The following ATG2A variants were observed in gnomAD, a reference collection of about 807,000 sequenced individuals.
ATG2A encodes the protein autophagy related 2A, also known as autophagy-related protein 2 homolog A.
A neutral mutation model predicts 214.2 loss-of-function variants in ATG2A; 103 were observed. That is an observed-to-expected ratio of 0.48 (90% confidence interval 0.41 to 0.57). The LOEUF is 0.57. Among genes scored for constraint, ATG2A ranks in the 20% least tolerant of loss-of-function variants. The pLI is 0.00. For synonymous variants in ATG2A, 1,160 were observed against 1,142.1 expected, an observed-to-expected ratio of 1.02 and a Z score of -0.32; for missense variants, 2,312 against 2,613.2, an observed-to-expected ratio of 0.88 and a Z score of 2.51.
Position 64,902,563 on chromosome 11 carries a change from G to A in ATG2A, c.3730C>T (p.His1244Tyr), listed in dbSNP as rs1326640944. 3 of 1,571,270 alleles carry A rather than the reference G, an allele frequency of 1.9e-6. No homozygotes were observed. The highest frequency in any genetic ancestry group is 1.2e-5 in the South Asian group (1 of 85,734). Residue 1244 changes from histidine (H) to tyrosine (Y), a missense_variant, in exon 27 of 41, where the codon CAC (histidine) becomes TAC (tyrosine). His to Tyr is a moderately conservative substitution (Grantham distance 83). Transcript: ENST00000377264. ...GGGCTGGGGGGCCGGGGTGGGGGGT[G>A]CAGATCGCCTGTGCTCATTACGTAC... ...LQYVMSTGDL[H>Y]PPPRPPSPTE...
chr11:64,899,628 T>G (rs1944280369), intron 31 of ATG2A, among the ~76,000 whole-genome samples: 1 of 152,138 alleles, frequency 6.6e-6, no homozygotes, highest in Non-Finnish European at 1.5e-5. Context: ...TACCACTCTC[T>G]GTATCTCACA....
rs1185991932 is a variant in ATG2A at position 64,900,713 on chromosome 11, G to C, written c.4329-84C>G. ...CAGCGGGCCTTTTAGCCTGGGACAA[G>C]AGACCCCCGCTAGCCCCAGTCCTGG... On this transcript the variant is annotated intron_variant, in intron 30 of 40. Transcript: ENST00000377264. 7.5e-6 allele frequency: 11 copies of C among 1,472,570 alleles called. No individual in the cohort carries two copies. In the South Asian group the frequency reaches 1.4e-4, roughly 18 times the overall value. The allele number at this position is 1,472,570 out of a possible 1,614,324, so 91.2% of individuals were successfully genotyped here.
chr11:64,907,576 A>C lies in ATG2A; in HGVS notation c.2596T>G (p.Ser866Ala), dbSNP rs1488659147. The C allele has an allele frequency of 6.9e-7, 1 of 1,450,024 alleles. No homozygotes were observed. Among genetic ancestry groups the C allele is most frequent in the African/African-American group, 1.6e-5 (1 of 60,644 alleles). 89.8% of individuals were successfully genotyped at this position (1,450,024 alleles called of 1,614,324 possible). A position where few individuals can be genotyped will look rare whatever the true frequency, so the allele number is the denominator to read the frequency against. ...AAQPSGFPGPSGFWHDSFKMC... is the reference protein window; with the variant it reads ...AAQPSGFPGPAGFWHDSFKMC... ...TTAAAGCTGTCGTGCCAGAAGCCTG[A>C]GGGGCCGGGGAAGCCCGAGGGCTGG... The change falls in exon 18 of 41, where the codon TCA (serine) becomes GCA (alanine). Residue 866 changes from serine to alanine, a missense_variant. By Grantham distance (99) the Ser-to-Ala change is moderately conservative. Transcript: ENST00000377264.
Position 64,897,666 on chromosome 11 carries a change from C to T in ATG2A, c.5067+5G>A, listed in dbSNP as rs200777640. 3 of 1,614,134 alleles carry T rather than the reference C, an allele frequency of 1.9e-6. No homozygotes were observed. Among genetic ancestry groups the T allele is most frequent in the Non-Finnish European group, 2.5e-6 (3 of 1,180,048 alleles). On this transcript the variant is annotated splice_donor_5th_base_variant and intron_variant, in intron 36 of 40. Coordinates refer to ENST00000377264, the MANE Select transcript of ATG2A (RefSeq NM_015104.3). ...ATGGCCACCCCATCCGACCGCCCCACTTACCACCTGGTCCATCGTGACGTG... is the reference window on the plus strand; with the variant it reads ...ATGGCCACCCCATCCGACCGCCCCATTTACCACCTGGTCCATCGTGACGTG...
chr11:64,900,696 CT>C, intron 30 of ATG2A, 67 bp from the exon 31 acceptor site: 1 of 1,496,188 alleles, frequency 6.7e-7, no homozygotes, highest in Non-Finnish European at 8.9e-7. Flanking sequence ...CTCAGCGGGC[CT>C]TTTAGCCTGG....
At chr11:64,901,151 A>G in intron 29 of ATG2A, 59 bp from the exon 30 acceptor site, 5 of 1,495,486 alleles carry the variant, frequency 3.3e-6, no homozygotes, top group Non-Finnish European at 4.5e-6. Context: ...AGCTGCCCCC[A>G]GCCCCAGCAA....
At chr11:64,911,814 G>A in intron 9 of ATG2A, 28 bp downstream of exon 9, 1 of 1,611,580 alleles carries the variant, frequency 6.2e-7, no homozygotes, top group Non-Finnish European at 8.5e-7. Context: ...TCCTGTCCCT[G>A]GAGTACCCCC....
At chr11:64,905,503 C>CT in intron 24 of ATG2A, 60 bp downstream of exon 24, 1 of 1,496,920 alleles carries the variant, frequency 6.7e-7, no homozygotes, top group Non-Finnish European at 9.2e-7. Context: ...GGACACACAG[C>CT]TGGCAGGCAG....
intron 19 of ATG2A, 79 bp from the exon 20 acceptor site, chr11:64,906,894 G>A: frequency 1.3e-6 from 2 of 1,511,414 alleles, no homozygotes; most frequent in Non-Finnish European, 8.9e-7. Flanking sequence ...GCGGCTCCTG[G>A]AGCCCTGGCC....
rs913897770 is a variant in ATG2A, at chr11:64,902,774, T to C, written c.3613-94A>G. 9 of 1,184,444 alleles carry C rather than the reference T, an allele frequency of 7.6e-6. No homozygotes were observed. In the African/African-American group the frequency reaches 9.0e-5, roughly 12 times the overall value. The allele number at this position is 1,184,444 out of a possible 1,614,324, so 73.4% of individuals were successfully genotyped here. On this transcript the variant is annotated intron_variant, in intron 26 of 40. Transcript: ENST00000377264. The stretch of plus-strand genomic sequence containing the variant: ...CGCTGGGAGGGCACCGCAGTTCTGA[T>C]CCTGCCACAGGCAGAACAGGGATGG...
At position 64,911,039 on chromosome 11, in the gene ATG2A, G is replaced by C; in HGVS notation, c.1465C>G (p.Arg489Gly). 1 of 1,613,956 alleles carries C rather than the reference G, an allele frequency of 6.2e-7. No individual in the cohort carries two copies. Among genetic ancestry groups the C allele is most frequent in the Non-Finnish European group, 8.5e-7 (1 of 1,180,030 alleles). The change falls in exon 10 of 41, where the codon CGG (arginine) becomes GGG (glycine). Residue 489 changes from arginine to glycine, a missense_variant and splice_region_variant. Transcript: ENST00000377264. ...CAGGCCCTGGCCTCGGGCTTATACC[G>C]AACATGGCTACAGGGACAGGCCCTC... ...FQRACPCSHV[R>G]LTGTAVQLSW...
In ATG2A at chr11:64,912,251, T is replaced by A. The variant is rs1289448621; in HGVS notation, c.923-2A>T. 5.6e-6 allele frequency: 9 copies of A among 1,612,498 alleles called. 1 individual carries two copies. The Admixed American group carries it at 1.5e-4, about 27-fold the overall frequency. On this transcript the variant is annotated splice_acceptor_variant, in intron 7 of 40. Coordinates refer to ENST00000377264, the MANE Select transcript of ATG2A (RefSeq NM_015104.3). LOFTEE classifies it high-confidence loss of function. ...GCTTGTCAGCCAGGCCCTCGTGGTCTGCAGGGGAGGAGACTTCAGTCTGGG... is the reference window on the plus strand; with the variant it reads ...GCTTGTCAGCCAGGCCCTCGTGGTCAGCAGGGGAGGAGACTTCAGTCTGGG...
At chr11:64,912,507 G>A in intron 6 of ATG2A, 84 bp from the exon 7 acceptor site, 1 of 1,210,346 alleles carries the variant, frequency 8.3e-7, no homozygotes, top group Non-Finnish European at 1.1e-6. Flanking sequence ...CTCGCCCTGG[G>A]AAAGCAGGAT....
Position 64,894,998 on chromosome 11 carries a change from CACTT to C in ATG2A, c.5788_5791del (p.Lys1930GlyfsTer46). The C allele has an allele frequency of 6.2e-7, 1 of 1,612,520 alleles. No homozygotes were observed. The highest frequency in any genetic ancestry group is 8.5e-7 in the Non-Finnish European group (1 of 1,179,090). On this transcript the variant is annotated frameshift_variant, in exon 41 of 41. Coordinates refer to ENST00000377264, the MANE Select transcript of ATG2A (RefSeq NM_015104.3). LOFTEE classifies it high-confidence loss of function. ...TCAGTCTTGGGCACTGTCCGAGCGC[CACTT>C]GAGGGCGTGGTCCTTGTGGGCGTCG...
At position 64,895,169 on chromosome 11, in the gene ATG2A, G is replaced by A. The variant is rs369775317; in HGVS notation, c.5621C>T (p.Ser1874Leu). 21 of 1,613,116 alleles carry A rather than the reference G, an allele frequency of 1.3e-5. No individual in the cohort carries two copies. Among genetic ancestry groups the A allele is most frequent in the East Asian group, 6.7e-5 (3 of 44,854 alleles). Residue 1874 changes from serine to leucine, a missense_variant, in exon 41 of 41, where the codon TCG becomes TTG. Physicochemically the swap from Ser to Leu is moderately radical, Grantham distance 145 (BLOSUM62 -2). Coordinates refer to ENST00000377264, the MANE Select transcript of ATG2A (RefSeq NM_015104.3). The surrounding 1 kb of genome is among the most constrained non-coding windows in gnomAD (Gnocchi z 5.0). ...CAGCCCCTTCTGCTCATGGCCCCGC[G>A]ATGCCACGTCACAGATGGTCTGAGC... Reference protein sequence around the residue: ...DTAQTICDVASRGHEQKGLTG... With the variant: ...DTAQTICDVALRGHEQKGLTG...
intron 24 of ATG2A, among the ~76,000 whole-genome samples, chr11:64,904,531 G>A (rs1260071807): frequency 6.6e-6 from 1 of 151,188 alleles, no homozygotes; most frequent in Non-Finnish European, 1.5e-5. Flanking sequence ...CTGACAGAGC[G>A]AGACTCTGTC....
In ATG2A at chr11:64,913,076, C is replaced by A; in HGVS notation, c.787G>T (p.Val263Leu). The A allele has an allele frequency of 1.9e-6, 3 of 1,572,036 alleles. No homozygotes were observed. The highest frequency in any genetic ancestry group is 1.2e-5 in the South Asian group (1 of 85,476). ...AAGGCCTCATTTTGCTTCAACTTCA[C>A]CATCAGCTCCATGTACCCTGAGCAG... ...GSCSGYMELM[V>L]KLKQNEAFPG... Residue 263 changes from valine to leucine, a missense_variant, in exon 6 of 41, where the codon GTG becomes TTG. Coordinates refer to ENST00000377264, the MANE Select transcript of ATG2A (RefSeq NM_015104.3). The surrounding 1 kb of genome is among the most constrained non-coding windows in gnomAD (Gnocchi z 4.3).
chr11:64,898,936 C>T lies in ATG2A; in HGVS notation c.4465-94G>A. The T allele has an allele frequency of 1.6e-6, 2 of 1,225,284 alleles. No homozygotes were observed. Among genetic ancestry groups the T allele is most frequent in the Middle Eastern group, 2.7e-4 (1 of 3,652 alleles). The allele number at this position is 1,225,284 out of a possible 1,614,324, so 75.9% of individuals were successfully genotyped here. ...CCCCTTCTCTATTCTTTTTTTGAGA[C>T]AGAGTCTCACTCTGTCGCCCAGGTT... On this transcript the variant is annotated intron_variant, in intron 31 of 40. Coordinates refer to ENST00000377264, the MANE Select transcript of ATG2A (RefSeq NM_015104.3). This position sits in a 1 kb window ranked among gnomAD's most constrained non-coding sequence, Gnocchi z 4.5.
rs1565749799 is a variant in ATG2A, at chr11:64,903,544, CG to C, written c.3535+45del. 1 of 1,519,050 alleles carries C rather than the reference CG, an allele frequency of 6.6e-7. No homozygotes were observed. Among genetic ancestry groups the C allele is most frequent in the South Asian group, 1.3e-5 (1 of 79,984 alleles). 94.1% of individuals were successfully genotyped at this position (1,519,050 alleles called of 1,614,324 possible). On this transcript the variant is annotated intron_variant, in intron 25 of 40. Transcript: ENST00000377264. The surrounding 1 kb of genome is among the most constrained non-coding windows in gnomAD (Gnocchi z 4.2). Reference sequence around the variant, plus strand: ...CTGGCTGCTCTGGGTGTGGCCGGGGCGGTGGTCCCTCAGAGGGGAGGGAGCC... The same window carrying C: ...CTGGCTGCTCTGGGTGTGGCCGGGGCGTGGTCCCTCAGAGGGGAGGGAGCC...
Sources: allele counts gnomAD v4.1 joint callset (sites outside exome capture counted in the v4.1 genomes callset), GRCh38; gene constraint gnomAD v4.1.1; non-coding constraint Gnocchi (gnomAD v3.1); transcripts MANE v1.5; gene names NCBI Gene and HGNC (gene_info 2026-07-23, HGNC 2026-07-21).